AGBL1: variants seen among roughly 807,000 people sequenced by gnomAD.
AGBL1 encodes cytosolic carboxypeptidase 4.
Under a neutral mutation model 118.9 loss-of-function variants are expected in AGBL1, and 130 were observed. The ratio of observed to expected loss-of-function variants is 1.09; its 90% confidence interval spans 0.95 to 1.26. The LOEUF (loss-of-function observed/expected upper bound fraction) is 1.26, where lower values mean the gene tolerates loss of function less well. Among genes scored for constraint, AGBL1 ranks in the 50% most tolerant of loss-of-function variants. AGBL1 has a pLI of 0.00. For missense variants in AGBL1, 1,584 were observed against 1,298.1 expected (o/e 1.22, Z -3.38); for synonymous variants, 555 against 478.9 (o/e 1.16, Z -2.08).
At chr15:86,291,368 ACACACAGAGACACATACACACACACAC>A (rs1458396503) in intron 16 of AGBL1, among the ~76,000 whole-genome samples, 19 of 151,952 alleles carry the variant, frequency 1.3e-4, no homozygotes, top group Admixed American at 5.2e-4. Flanking sequence ...ATTTATGCAC[ACACACAGAGACACATACACACACACAC>A]CACACAGAGA....
intron 20 of AGBL1, among the ~76,000 whole-genome samples, chr15:86,553,385 A>G (rs1329426027): frequency 6.6e-6 from 1 of 152,118 alleles, no homozygotes; most frequent in Non-Finnish European, 1.5e-5. Context: ...GATGCCTTCT[A>G]AATGGAGATT....
intron 22 of AGBL1, among the ~76,000 whole-genome samples, chr15:86,739,697 G>A (rs2077650642): frequency 6.6e-6 from 1 of 151,996 alleles, no homozygotes; most frequent in Non-Finnish European, 1.5e-5. Context: ...GAAAGTACAG[G>A]AAATGGCAGC....
chr15:86,650,455 C>A (rs978168637), intron 21 of AGBL1, among the ~76,000 whole-genome samples: 2 of 152,098 alleles, frequency 1.3e-5, no homozygotes, highest in East Asian at 3.8e-4. Context: ...AAAATAACTT[C>A]TTTTATAAGC....
chr15:86,390,862 G>T (rs1185284765), intron 17 of AGBL1, among the ~76,000 whole-genome samples: 1 of 151,658 alleles, frequency 6.6e-6, no homozygotes, highest in Admixed American at 6.6e-5. Context: ...TAGGGATGGG[G>T]TTTTGCCATG....
At chr15:86,696,982 GT>G (rs1250170959) in intron 22 of AGBL1, among the ~76,000 whole-genome samples, 2 of 151,724 alleles carry the variant, frequency 1.3e-5, no homozygotes, top group Non-Finnish European at 2.9e-5. Flanking sequence ...TAATAAGATA[GT>G]TTTTTTTAAT....
chr15:86,087,538 A>G (rs1895744383), intron 1 of AGBL1, among the ~76,000 whole-genome samples: 1 of 152,150 alleles, frequency 6.6e-6, no homozygotes, highest in Non-Finnish European at 1.5e-5. Context: ...CATGTTGGCC[A>G]GAGCTGGTCT....
In AGBL1 at chr15:86,256,983, G is replaced by T. The variant is rs756831984; in HGVS notation, c.866G>T (p.Cys289Phe). The T allele has an allele frequency of 3.7e-6, 6 of 1,613,888 alleles. No individual in the cohort carries two copies. The highest frequency in any genetic ancestry group is 1.7e-4 in the Middle Eastern group (1 of 6,060). The change falls in exon 8 of 23, where the codon TGC becomes TTC. Residue 289 changes from cysteine to phenylalanine, a missense_variant. By Grantham distance (205) the Cys-to-Phe change is radical. Transcript: ENST00000614907. ...GCCTATGCCTTCCCGGTCCCCGGGT[G>T]CATCACCACTGAACCTCCACATGAT... ...SSAYAFPVPG[C>F]ITTEPPHDLP...
At chr15:86,925,235 C>T (rs1045581629) in intron 23 of AGBL1, among the ~76,000 whole-genome samples, 1 of 151,476 alleles carries the variant, frequency 6.6e-6, no homozygotes, top group Non-Finnish European at 1.5e-5. Flanking sequence ...AGAACCTGAA[C>T]CTGGGTGGCT....
chr15:86,128,121 C>T (rs1243361730), intron 1 of AGBL1, among the ~76,000 whole-genome samples: 1 of 152,092 alleles, frequency 6.6e-6, no homozygotes, highest in East Asian at 1.9e-4. Flanking sequence ...TGTTCTCATG[C>T]TGCTAATAAA....
At chr15:86,658,994 G>T (rs1428761733) in intron 21 of AGBL1, among the ~76,000 whole-genome samples, 2 of 152,130 alleles carry the variant, frequency 1.3e-5, no homozygotes, top group Non-Finnish European at 2.9e-5. Context: ...TTGGCTGGCT[G>T]TACTACACAG....
At chr15:86,881,366 C>T (rs956263355) in intron 22 of AGBL1, among the ~76,000 whole-genome samples, 5 of 152,146 alleles carry the variant, frequency 3.3e-5, no homozygotes, top group Admixed American at 2.6e-4. Flanking sequence ...CTCACGTTCT[C>T]GCCTCTCATG....
At chr15:86,782,213 T>A (rs1372704791) in intron 22 of AGBL1, among the ~76,000 whole-genome samples, 1 of 152,166 alleles carries the variant, frequency 6.6e-6, no homozygotes, top group East Asian at 1.9e-4. Context: ...CCTTGACTCA[T>A]TTCAAAATCT....
At chr15:86,155,876 A>T (rs1012406869) in intron 4 of AGBL1, among the ~76,000 whole-genome samples, 1 of 152,152 alleles carries the variant, frequency 6.6e-6, no homozygotes, top group Non-Finnish European at 1.5e-5. Context: ...ATCACAGTCT[A>T]TGTGGCTTAA....
At chr15:86,219,776 G>T (rs66489254) in intron 5 of AGBL1, among the ~76,000 whole-genome samples, 47,711 of 151,536 alleles carry the variant, frequency 0.31, 7,721 homozygotes, top group South Asian at 0.42. Context: ...CTCTGACCTT[G>T]CACCAGTCAT....
chr15:86,707,207 C>T (rs548160783), intron 22 of AGBL1, among the ~76,000 whole-genome samples: 2 of 152,200 alleles, frequency 1.3e-5, no homozygotes, highest in South Asian at 4.2e-4. Flanking sequence ...CACTACATCA[C>T]CTTTACATCT....
intron 23 of AGBL1, chr15:86,946,477 C>T (rs1341059790): frequency 1.3e-5 from 2 of 151,882 alleles, no homozygotes; most frequent in Non-Finnish European, 2.9e-5. Flanking sequence ...CACATGAGTC[C>T]ATAAACCTTT....
intron 5 of AGBL1, among the ~76,000 whole-genome samples, chr15:86,204,845 C>T (rs964458881): frequency 4.6e-5 from 7 of 152,148 alleles, no homozygotes; most frequent in African/African-American, 1.7e-4. Flanking sequence ...CTGCCTTGGC[C>T]TCTCAAAGTT....
intron 22 of AGBL1, among the ~76,000 whole-genome samples, chr15:86,852,933 C>T (rs748413531): frequency 6.6e-6 from 1 of 152,182 alleles, no homozygotes; most frequent in East Asian, 1.9e-4. Context: ...GGGCACGAGG[C>T]TCAGGCTTCG....
chr15:86,410,721 T>A (rs936361054), intron 18 of AGBL1, among the ~76,000 whole-genome samples: 1 of 144,158 alleles, frequency 6.9e-6, no homozygotes, highest in Non-Finnish European at 1.5e-5. Flanking sequence ...TTTTCATTTT[T>A]TAGTTTTGCA....
Sources: allele counts gnomAD v4.1 joint callset (sites outside exome capture counted in the v4.1 genomes callset), GRCh38; gene constraint gnomAD v4.1.1; transcripts MANE v1.5; gene names NCBI Gene and HGNC (gene_info 2026-07-23, HGNC 2026-07-21).